The following HUWE1 variants were observed in gnomAD, a reference collection of about 807,000 sequenced individuals.
The protein encoded by HUWE1 is E3 ubiquitin-protein ligase HUWE1.
Under a neutral mutation model 299.4 loss-of-function variants are expected in HUWE1, and 18 were observed. The ratio of observed to expected loss-of-function variants is 0.06; its 90% CI spans 0.04 to 0.09. HUWE1 has a LOEUF of 0.09. HUWE1 is among the 10% of genes least tolerant of loss of function. The pLI is 1.00. For synonymous variants in HUWE1, 1,317 were observed against 1,286.1 expected, an observed-to-expected ratio of 1.02 and a Z score of -0.51; for missense variants, 1,832 against 3,462.3, an observed-to-expected ratio of 0.53 and a Z score of 11.82.
intron 45 of HUWE1, 30 bp from the exon 46 acceptor site, chrX:53,575,251 A>G (rs1226755855): frequency 3.6e-6 from 4 of 1,111,303 alleles, no homozygotes; most frequent in African/African-American, 3.6e-5. Context: ...CTGAGCTATT[A>G]TGAATTTCAA....
At chrX:53,618,232 C>T (rs1197568705) in intron 19 of HUWE1, among the ~76,000 whole-genome samples, 1 of 110,837 alleles carries the variant, frequency 9.0e-6, no homozygotes, top group East Asian at 2.8e-4. Flanking sequence ...TGTGAAGACA[C>T]TGGAAAAGCT....
intron 53 of HUWE1, among the ~76,000 whole-genome samples, chrX:53,562,582 T>C (rs2062346413): frequency 9.0e-6 from 1 of 111,720 alleles, no homozygotes; most frequent in African/African-American, 3.3e-5. Context: ...AGAGGGAACC[T>C]GGAGCGATGA....
At chrX:53,648,410 C>T in intron 4 of HUWE1, 100 bp from the exon 5 acceptor site, 1 of 520,163 alleles carries the variant, frequency 1.9e-6, no homozygotes, top group Non-Finnish European at 3.4e-6. Context: ...AGCAATTTTC[C>T]TTTTGCTAGG....
chrX:53,594,702 G>A (rs1201298518), intron 30 of HUWE1, 81 bp from the exon 31 acceptor site: 1 of 1,036,493 alleles, frequency 9.6e-7, no homozygotes, highest in Non-Finnish European at 1.3e-6. Flanking sequence ...TAAAAGGCAA[G>A]AGTAAAATTT....
At position 53,537,714 on chromosome X, in the gene HUWE1, G is replaced by T; in HGVS notation, c.11997-18C>A. 8.3e-7 allele frequency: 1 copy of T among 1,204,136 alleles called. No individual in the cohort carries two copies. Among genetic ancestry groups the T allele is most frequent in the Non-Finnish European group, 1.1e-6 (1 of 890,997 alleles). ...GGAAATATCTTGGGAGGTAGAAAAGGAAGGAAGATAGGATTAAGGGTGGCA... is the reference window on the plus strand; with the variant it reads ...GGAAATATCTTGGGAGGTAGAAAAGTAAGGAAGATAGGATTAAGGGTGGCA... On this transcript the variant is annotated intron_variant, in intron 77 of 83. Coordinates refer to ENST00000262854, the MANE Select transcript of HUWE1 (RefSeq NM_031407.7).
intron 60 of HUWE1, among the ~76,000 whole-genome samples, chrX:53,556,827 C>A (rs1378715819): frequency 1.8e-5 from 2 of 112,447 alleles, no homozygotes; most frequent in Non-Finnish European, 3.8e-5. Context: ...CAATCAACAT[C>A]ATTTAATAAA....
chrX:53,553,306 C>T (rs2061849427), intron 61 of HUWE1, among the ~76,000 whole-genome samples: 1 of 108,876 alleles, frequency 9.2e-6, no homozygotes, highest in Non-Finnish European at 1.9e-5. Flanking sequence ...CCACGCCCGG[C>T]CAGTTTTTTG....
At position 53,607,588 on chromosome X, in the gene HUWE1, G is replaced by A; in HGVS notation, c.2431C>T (p.Leu811=). 1 of 1,210,937 alleles carries A rather than the reference G, an allele frequency of 8.3e-7. No individual in the cohort carries two copies. The highest frequency in any genetic ancestry group is 1.1e-6 in the Non-Finnish European group (1 of 894,483). ...GCAGATGTGGGAAAGTCAATGGGCAGATTGGGAAGACCCAAAATGGTAACC... is the reference window on the plus strand; with the variant it reads ...GCAGATGTGGGAAAGTCAATGGGCAAATTGGGAAGACCCAAAATGGTAACC... The part of the protein sequence containing the change: ...PLVTILGLPN[L]PIDFPTSAAC... The change falls in exon 25 of 84, where the codon CTG becomes TTG. Residue 811 remains leucine (L), a synonymous_variant. Transcript: ENST00000262854.
At chrX:53,600,595 C>A (rs1556989492) in intron 28 of HUWE1, among the ~76,000 whole-genome samples, 1 of 112,604 alleles carries the variant, frequency 8.9e-6, no homozygotes, top group African/African-American at 3.2e-5. Context: ...GGGTACCATT[C>A]ACATGGACTA....
chrX:53,557,089 G>C, intron 60 of HUWE1: 1 of 407,576 alleles, frequency 2.5e-6, no homozygotes, highest in Non-Finnish European at 4.5e-6. Context: ...GTTGCAGTCA[G>C]GAAATGAACA....
chrX:53,621,903 G>A (rs155441), intron 19 of HUWE1, among the ~76,000 whole-genome samples: 39,500 of 111,099 alleles, frequency 0.36, 5,810 homozygotes, highest in South Asian at 0.51. Context: ...GCATGATGAC[G>A]TTAGCATAGG....
At chrX:53,597,360 G>A (rs1395152382) in intron 29 of HUWE1, among the ~76,000 whole-genome samples, 1 of 106,977 alleles carries the variant, frequency 9.3e-6, no homozygotes, top group Admixed American at 1.0e-4. Flanking sequence ...CACAAAGGAC[G>A]TTTATTAGTA....
At chrX:53,634,547 A>C (rs2067082248) in intron 7 of HUWE1, among the ~76,000 whole-genome samples, 1 of 112,475 alleles carries the variant, frequency 8.9e-6, no homozygotes, top group African/African-American at 3.2e-5. Flanking sequence ...TGGTCTGCCT[A>C]AAGGTGATTT....
chrX:53,592,995 C>T (rs916605494), intron 32 of HUWE1, among the ~76,000 whole-genome samples: 1 of 112,185 alleles, frequency 8.9e-6, no homozygotes, highest in Non-Finnish European at 1.9e-5. Context: ...CCCACTTAAC[C>T]TTCCGCCATG....
At position 53,592,554 on chromosome X, in the gene HUWE1, C is replaced by T. The variant is rs782267490; in HGVS notation, c.3816G>A (p.Ser1272=). 6.6e-6 allele frequency: 8 copies of T among 1,211,052 alleles called. No homozygotes were observed. The highest frequency in any genetic ancestry group is 5.9e-5 in the East Asian group (2 of 33,843). The change falls in exon 33 of 84, where the codon TCG becomes TCA. Residue 1272 remains serine (S), a synonymous_variant. Coordinates refer to ENST00000262854, the MANE Select transcript of HUWE1 (RefSeq NM_031407.7). ...LKVYGGRMAE[S]MLAILCHILR... ...GGATGTGGCATAGAATGGCCAGCAT[C>T]GATTCAGCCATTCGTCCACCATATA... is the stretch of plus-strand genomic sequence containing the variant.
In HUWE1 at chrX:53,558,731, T is replaced by C; in HGVS notation, c.8084A>G (p.Lys2695Arg). Residue 2695 changes from lysine to arginine, a missense_variant, in exon 59 of 84, where the codon AAA (lysine) becomes AGA (arginine). By Grantham distance (26) the Lys-to-Arg change is conservative. Around this residue, in one of 15 missense-constraint regions of HUWE1, gnomAD observed 170 missense variants for 335.8 expected, o/e 0.51. Transcript: ENST00000262854. ...CTTTGTTTCTTCCTCAGCCAGTTGT[T>C]TCCTGCGCTTCTCTCGCCTTTCTTC... ...ELEERREKRRKQLAEEETKIT... is the reference protein window; with the variant it reads ...ELEERREKRRRQLAEEETKIT... The C allele has an allele frequency of 8.3e-7, 1 of 1,210,099 alleles. No homozygotes were observed. Among genetic ancestry groups the C allele is most frequent in the Non-Finnish European group, 1.1e-6 (1 of 893,825 alleles).
At chrX:53,615,035 TCAA>T (rs1482877766) in intron 22 of HUWE1, among the ~76,000 whole-genome samples, 6 of 85,700 alleles carry the variant, frequency 7.0e-5, no homozygotes, top group Admixed American at 3.4e-4. Flanking sequence ...TATACCAATT[TCAA>T]CAACAATTCT....
chrX:53,578,634 A>G (rs1300523784), intron 43 of HUWE1, among the ~76,000 whole-genome samples: 303 of 31,223 alleles, frequency 9.7e-3, no homozygotes, highest in Admixed American at 0.014. Flanking sequence ...GAGGTGGGGG[A>G]GTCAGCCCCC....
intron 3 of HUWE1, among the ~76,000 whole-genome samples, chrX:53,660,875 A>T: frequency 1.2e-5 from 1 of 85,485 alleles, no homozygotes; most frequent in African/African-American, 3.4e-5. Flanking sequence ...ATATTTTTTC[A>T]TACAGTCCTC....
Sources: gnomAD v4.1 joint callset for allele counts (sites outside exome capture counted in the v4.1 genomes callset) on GRCh38, gnomAD v4.1.1 for gene constraint, gnomAD v4.1.1 regional missense constraint, MANE v1.5 for transcripts, NCBI Gene and HGNC (gene_info 2026-07-23, HGNC 2026-07-21) for gene names.